KIAA0232: variants seen among roughly 807,000 people sequenced by gnomAD.
The protein encoded by KIAA0232 is uncharacterized protein KIAA0232.
Under a neutral mutation model 122.0 loss-of-function variants are expected in KIAA0232, and 27 were observed. The ratio of observed to expected loss-of-function variants is 0.22; its 90% confidence interval spans 0.16 to 0.31. The LOEUF is 0.31. KIAA0232 is among the 10% of genes least tolerant of loss of function. The pLI, the probability that KIAA0232 is intolerant of heterozygous loss-of-function variation, is 1.00. For missense variants in KIAA0232, 1,551 were observed against 1,634.2 expected (o/e 0.95, Z 0.88); for synonymous variants, 613 against 587.6 (o/e 1.04, Z -0.63).
At chr4:6,833,616 G>T (rs752619275) in intron 3 of KIAA0232, among the ~76,000 whole-genome samples, 2 of 151,932 alleles carry the variant, frequency 1.3e-5, no homozygotes, top group African/African-American at 4.8e-5. Flanking sequence ...AGGCAACAGA[G>T]TGAGACTGCA....
At chr4:6,856,865 C>A (rs1720595760) in intron 4 of KIAA0232, among the ~76,000 whole-genome samples, 1 of 152,066 alleles carries the variant, frequency 6.6e-6, no homozygotes, top group Admixed American at 6.6e-5. Flanking sequence ...CTTAAATCTG[C>A]CCCATGAGCA....
At chr4:6,796,983 G>A (rs1387469701) in intron 1 of KIAA0232, among the ~76,000 whole-genome samples, 2 of 152,222 alleles carry the variant, frequency 1.3e-5, no homozygotes, top group Non-Finnish European at 2.9e-5. Context: ...ACTGACAACA[G>A]TCAGTTGGAG....
At chr4:6,843,893 T>C (rs186074707) in intron 4 of KIAA0232, among the ~76,000 whole-genome samples, 1 of 148,946 alleles carries the variant, frequency 6.7e-6, no homozygotes, top group Admixed American at 6.7e-5. Context: ...CATTTGACTG[T>C]GCTCACTGGG....
chr4:6,790,364 T>A (rs890461419), intron 1 of KIAA0232, among the ~76,000 whole-genome samples: 2 of 150,142 alleles, frequency 1.3e-5, no homozygotes, highest in Admixed American at 6.7e-5. Context: ...TTTTTTTATT[T>A]AATTTTTTTT....
intron 2 of KIAA0232, among the ~76,000 whole-genome samples, chr4:6,813,662 A>G (rs1487511584): frequency 6.6e-6 from 1 of 152,028 alleles, no homozygotes; most frequent in Non-Finnish European, 1.5e-5. Flanking sequence ...GCGCCTGGCC[A>G]GGTCTGTTGT....
At position 6,855,232 on chromosome 4, in the gene KIAA0232, C is replaced by T. The variant is rs1386550441; in HGVS notation, c.370-1932C>T. 6.6e-6 allele frequency among the ~76,000 whole-genome samples: 1 copy of T among 151,956 alleles called. No individual in the cohort carries two copies. Among genetic ancestry groups the T allele is most frequent in the Non-Finnish European group, 1.5e-5 (1 of 67,986 alleles). On this transcript the variant is annotated intron_variant, in intron 4 of 9. Coordinates refer to ENST00000307659, the MANE Select transcript of KIAA0232 (RefSeq NM_014743.3). The surrounding 1 kb of genome is among the most constrained non-coding windows in gnomAD (Gnocchi z 4.3). ...CCCAAGTAGCTAAGATTACAGGTGC[C>T]TGCCACCACGCCCAGCTAATTTTTT... is the stretch of plus-strand genomic sequence containing the variant.
intron 1 of KIAA0232, among the ~76,000 whole-genome samples, chr4:6,794,087 G>T (rs1717024288): frequency 6.6e-6 from 1 of 152,214 alleles, no homozygotes; most frequent in Non-Finnish European, 1.5e-5. Flanking sequence ...GGTAAGGCGA[G>T]AGGAAGCAGG....
At chr4:6,799,201 C>T (rs1415848831) in intron 1 of KIAA0232, among the ~76,000 whole-genome samples, 1 of 151,292 alleles carries the variant, frequency 6.6e-6, no homozygotes, top group Non-Finnish European at 1.5e-5. Context: ...TGGGATTCTC[C>T]CCTGCATGTC....
intron 3 of KIAA0232, among the ~76,000 whole-genome samples, chr4:6,839,341 G>T: frequency 6.6e-6 from 1 of 152,278 alleles, no homozygotes; most frequent in East Asian, 1.9e-4. Context: ...GTGAGAGTTG[G>T]TGCTAATGAT....
chr4:6,867,333 G>T (rs1193575866), intron 7 of KIAA0232, among the ~76,000 whole-genome samples: 1 of 152,176 alleles, frequency 6.6e-6, no homozygotes, highest in East Asian at 1.9e-4. Flanking sequence ...GACGGAGGCA[G>T]GGCAGTCCAG....
At chr4:6,810,100 A>G (rs1303478160) in intron 2 of KIAA0232, among the ~76,000 whole-genome samples, 2 of 152,212 alleles carry the variant, frequency 1.3e-5, no homozygotes, top group African/African-American at 4.8e-5. Flanking sequence ...ATGAAATCAA[A>G]AAAGAGCCCT....
chr4:6,841,085 A>G (rs968253141), intron 3 of KIAA0232, among the ~76,000 whole-genome samples: 2 of 152,226 alleles, frequency 1.3e-5, no homozygotes, highest in African/African-American at 4.8e-5. Context: ...TTTGCTACAG[A>G]TGTGATGTTT....
chr4:6,881,525 C>T lies in KIAA0232; in HGVS notation c.*559C>T, dbSNP rs1577428043. ...TTCCAGTAGGAACCGCAGAGGTGTG[C>T]TTTTCAAGACTCACCAAATACTGTG... is the stretch of plus-strand genomic sequence containing the variant. On this transcript the variant is annotated 3_prime_UTR_variant, in exon 10 of 10. Transcript: ENST00000307659. 6.6e-6 allele frequency: 1 copy of T among 152,630 alleles called. No homozygotes were observed. The highest frequency in any genetic ancestry group is 2.4e-5 in the African/African-American group (1 of 41,444). 9.5% of individuals were successfully genotyped at this position (152,630 alleles called of 1,614,324 possible).
intron 8 of KIAA0232, among the ~76,000 whole-genome samples, chr4:6,872,303 G>C (rs1303289767): frequency 6.6e-6 from 1 of 152,218 alleles, no homozygotes; most frequent in Non-Finnish European, 1.5e-5. Flanking sequence ...TAAAGGTCTG[G>C]ACTGAGGCAA....
chr4:6,788,986 T>C (rs1055908035), intron 1 of KIAA0232, among the ~76,000 whole-genome samples: 4 of 152,152 alleles, frequency 2.6e-5, no homozygotes, highest in African/African-American at 9.7e-5. Context: ...TTATTTTTAT[T>C]TTGAGACAGA....
rs1318895393 is a variant in KIAA0232 at position 6,824,355 on chromosome 4, T to A, written c.-99T>A. 3 of 972,006 alleles carry A rather than the reference T, an allele frequency of 3.1e-6. No homozygotes were observed. The highest frequency in any genetic ancestry group is 1.6e-5 in the African/African-American group (1 of 62,700). 60.2% of individuals were successfully genotyped at this position (972,006 alleles called of 1,614,324 possible). A position where few individuals can be genotyped will look rare whatever the true frequency, so the allele number is the denominator to read the frequency against. The stretch of plus-strand genomic sequence containing the variant: ...AAATGCTTATCCTACATGTCAAGCA[T>A]CTCTACTTTTTACTGGAGTGAAAAT... On this transcript the variant is annotated 5_prime_UTR_variant, in exon 3 of 10. Transcript: ENST00000307659.
chr4:6,836,130 G>C (rs1719253978), intron 3 of KIAA0232, among the ~76,000 whole-genome samples: 1 of 152,208 alleles, frequency 6.6e-6, no homozygotes, highest in Admixed American at 6.5e-5. Flanking sequence ...TCCAGCATCT[G>C]TTGTTTCCTG....
chr4:6,824,634 G>C lies in KIAA0232; in HGVS notation c.181G>C (p.Val61Leu). 1 of 1,614,220 alleles carries C rather than the reference G, an allele frequency of 6.2e-7. No individual in the cohort carries two copies. The highest frequency in any genetic ancestry group is 8.5e-7 in the Non-Finnish European group (1 of 1,180,034). The part of the protein sequence containing the change: ...GIDAMIYTRY[V>L]LSLLLHDSYD... Reference sequence around the variant, plus strand: ...TGATGCCATGATTTACACTCGGTATGTCCTCAGTCTTCTGCTGCATGACAG... The same window carrying C: ...TGATGCCATGATTTACACTCGGTATCTCCTCAGTCTTCTGCTGCATGACAG... The change falls in exon 3 of 10, where the codon GTC becomes CTC. Residue 61 changes from valine to leucine, a missense_variant. Around this residue, in one of 5 missense-constraint regions of KIAA0232, gnomAD observed 26 missense variants for 52.2 expected, o/e 0.50. Coordinates refer to ENST00000307659, the MANE Select transcript of KIAA0232 (RefSeq NM_014743.3).
intron 6 of KIAA0232, among the ~76,000 whole-genome samples, 197 bp from the exon 7 acceptor site, chr4:6,860,704 A>G (rs1001666486): frequency 1.3e-5 from 2 of 152,240 alleles, no homozygotes; most frequent in South Asian, 2.1e-4. Context: ...GCTGAGCAAA[A>G]TGGTGCTTGA....
Sources: allele counts gnomAD v4.1 joint callset (sites outside exome capture counted in the v4.1 genomes callset), GRCh38; gene constraint gnomAD v4.1.1; regional missense constraint gnomAD v4.1.1; non-coding constraint Gnocchi (gnomAD v3.1); transcripts MANE v1.5; gene names NCBI Gene and HGNC (gene_info 2026-07-23, HGNC 2026-07-21).